The following CCDC102B variants were observed in gnomAD, a reference collection of about 807,000 sequenced individuals.
CCDC102B encodes the protein coiled-coil domain containing 102B.
CCDC102B carries 75 observed loss-of-function variants against 57.4 expected under a neutral mutation model. That is an observed-to-expected ratio of 1.31 (90% CI 1.08 to 1.58). The LOEUF (loss-of-function observed/expected upper bound fraction) is 1.58. CCDC102B is among the 40% of genes most tolerant of loss of function. CCDC102B has a pLI of 0.00. For missense variants in CCDC102B, 636 were observed against 582.6 expected (o/e 1.09, Z -0.94); for synonymous variants, 206 against 201.9 (o/e 1.02, Z -0.17).
chr18:68,936,746 C>CATAT (rs147923317), intron 6 of CCDC102B, among the ~76,000 whole-genome samples: 2,863 of 148,880 alleles, frequency 0.019, 42 homozygotes, highest in East Asian at 0.069. Flanking sequence ...GGACAACTTT[C>CATAT]ATATATATAT....
Position 69,054,311 on chromosome 18 carries a change from C to T in CCDC102B, c.*174C>T. On this transcript the variant is annotated 3_prime_UTR_variant, in exon 8 of 8. Transcript: ENST00000360242. ...TCTTCTAATTTTTGCCTAACAGATA[C>T]TGCATATTCTCAAAAAGACAATTTA... The T allele has an allele frequency of 1.6e-6, 2 of 1,271,046 alleles. No individual in the cohort carries two copies. The highest frequency in any genetic ancestry group is 2.0e-6 in the Non-Finnish European group (2 of 1,011,352). The allele number at this position is 1,271,046 out of a possible 1,614,324, so 78.7% of individuals were successfully genotyped here.
At chr18:69,042,176 C>G (rs1394974232) in intron 7 of CCDC102B, among the ~76,000 whole-genome samples, 1 of 151,808 alleles carries the variant, frequency 6.6e-6, no homozygotes, top group Non-Finnish European at 1.5e-5. Flanking sequence ...TCAAAAATCA[C>G]GTAATAAGGA....
chr18:68,969,320 C>T (rs576596435), intron 6 of CCDC102B, among the ~76,000 whole-genome samples: 11 of 152,306 alleles, frequency 7.2e-5, no homozygotes, highest in African/African-American at 2.6e-4. Flanking sequence ...TTCCCCTTAC[C>T]TGCCTGTGTC....
intron 2 of CCDC102B, among the ~76,000 whole-genome samples, chr18:68,750,294 C>G (rs1279383858): frequency 1.3e-5 from 2 of 152,172 alleles, no homozygotes; most frequent in African/African-American, 4.8e-5. Flanking sequence ...CAGGAAACAA[C>G]AGGTGCTGGA....
chr18:68,998,967 C>CAT (rs377246950), intron 6 of CCDC102B, among the ~76,000 whole-genome samples: 14 of 92,016 alleles, frequency 1.5e-4, no homozygotes, highest in East Asian at 1.1e-3. Context: ...ACATAATCAT[C>CAT]ATATATATAT....
intron 6 of CCDC102B, among the ~76,000 whole-genome samples, chr18:68,976,950 T>C (rs558340686): frequency 6.6e-6 from 1 of 152,154 alleles, no homozygotes; most frequent in African/African-American, 2.4e-5. Context: ...ACATCACTGA[T>C]AATTTATACC....
chr18:68,821,695 G>GTA (rs984612478), intron 1 of CCDC102B, among the ~76,000 whole-genome samples: 57 of 151,190 alleles, frequency 3.8e-4, no homozygotes, highest in East Asian at 1.4e-3. Context: ...ATATATGTGT[G>GTA]TATATATATA....
At chr18:68,829,675 CT>C (rs759562635) in intron 1 of CCDC102B, among the ~76,000 whole-genome samples, 1 of 151,904 alleles carries the variant, frequency 6.6e-6, no homozygotes, top group Non-Finnish European at 1.5e-5. Flanking sequence ...GAGCTTTCTC[CT>C]GTTTACCACA....
intron 6 of CCDC102B, among the ~76,000 whole-genome samples, chr18:68,949,370 C>T (rs1456927477): frequency 6.6e-6 from 1 of 152,078 alleles, no homozygotes; most frequent in African/African-American, 2.4e-5. Flanking sequence ...AAGCATCTGA[C>T]ATTTGTATAA....
chr18:69,026,794 C>G (rs2052005253), intron 7 of CCDC102B, among the ~76,000 whole-genome samples: 2 of 152,166 alleles, frequency 1.3e-5, no homozygotes, highest in Non-Finnish European at 1.5e-5. Context: ...ATTTTGTCCC[C>G]TTTGTGTTTA....
chr18:69,006,474 G>C (rs1046466271), intron 6 of CCDC102B, among the ~76,000 whole-genome samples: 6 of 151,542 alleles, frequency 4.0e-5, no homozygotes, highest in African/African-American at 1.5e-4. Context: ...CCTTGCTGGA[G>C]GGCAGTGGCA....
At chr18:68,870,277 G>T (rs1265844416) in intron 4 of CCDC102B, among the ~76,000 whole-genome samples, 1 of 152,062 alleles carries the variant, frequency 6.6e-6, no homozygotes, top group Non-Finnish European at 1.5e-5. Context: ...GTTGATAGGT[G>T]CAGCAAACCA....
rs1417830501 is a variant in CCDC102B at position 68,982,842 on chromosome 18, A to G, written c.1264-28092A>G. ...AAATGTATTTGATAAATGACTAAGA[A>G]TGTAGTAAAGTATTATAGTAATATT... On this transcript the variant is annotated intron_variant, in intron 6 of 7. Coordinates refer to ENST00000360242, the MANE Select transcript of CCDC102B (RefSeq NM_024781.3). 2.0e-5 allele frequency among the ~76,000 whole-genome samples: 3 copies of G among 151,918 alleles called. No homozygotes were observed. In the East Asian group the frequency reaches 5.8e-4, roughly 29 times the overall value.
chr18:68,774,211 A>C (rs595015), intron 2 of CCDC102B, among the ~76,000 whole-genome samples: 15,105 of 151,862 alleles, frequency 0.099, 1,591 homozygotes, highest in African/African-American at 0.27. Flanking sequence ...GTTGTCTTTG[A>C]TACTGGATTT....
intron 6 of CCDC102B, among the ~76,000 whole-genome samples, chr18:68,954,240 C>T (rs1171172723): frequency 4.6e-5 from 7 of 151,792 alleles, no homozygotes; most frequent in Non-Finnish European, 1.0e-4. Context: ...GCCAACATGG[C>T]GAAACCCCAT....
intron 6 of CCDC102B, among the ~76,000 whole-genome samples, chr18:68,977,448 A>G (rs1034575754): frequency 6.6e-6 from 1 of 151,666 alleles, no homozygotes; most frequent in Admixed American, 6.6e-5. Context: ...CCAGTGTGTG[A>G]CGTTCCCCTC....
chr18:69,012,840 A>G (rs2051555496), intron 7 of CCDC102B, among the ~76,000 whole-genome samples: 2 of 152,194 alleles, frequency 1.3e-5, no homozygotes, highest in Non-Finnish European at 2.9e-5. Flanking sequence ...CAAAAAACAA[A>G]ACAAATTTAA....
At chr18:68,985,255 C>A (rs1376752974) in intron 6 of CCDC102B, among the ~76,000 whole-genome samples, 1 of 152,056 alleles carries the variant, frequency 6.6e-6, no homozygotes, top group African/African-American at 2.4e-5. Context: ...TAGAAGGAAA[C>A]CCTTTCAATA....
At chr18:68,784,798 C>A (rs1456613597) in intron 2 of CCDC102B, among the ~76,000 whole-genome samples, 1 of 151,934 alleles carries the variant, frequency 6.6e-6, no homozygotes, top group African/African-American at 2.4e-5. Context: ...GTCTTTAAAG[C>A]CATAGATTAT....
Sources: gnomAD v4.1 joint callset for allele counts (sites outside exome capture counted in the v4.1 genomes callset) on GRCh38, gnomAD v4.1.1 for gene constraint, MANE v1.5 for transcripts, NCBI Gene and HGNC (gene_info 2026-07-23, HGNC 2026-07-21) for gene names.